MAP4K3: variants seen among roughly 807,000 people sequenced by gnomAD.
MAP4K3 encodes MAPK/ERK kinase kinase kinase 3.
Under a neutral mutation model 143.5 loss-of-function variants are expected in MAP4K3, and 94 were observed. That is an observed-to-expected ratio of 0.65 (90% CI 0.55 to 0.78). The LOEUF (loss-of-function observed/expected upper bound fraction) is 0.78, where lower values mean the gene tolerates loss of function less well. MAP4K3 is among the 30% of genes least tolerant of loss of function. The pLI is 0.00. For missense variants in MAP4K3, 1,077 were observed against 1,068.1 expected (o/e 1.01, Z -0.12); for synonymous variants, 416 against 347.2 (o/e 1.20, Z -2.20).
chr2:39,309,509 C>T lies in MAP4K3; in HGVS notation c.1008G>A (p.Val336=). The T allele has an allele frequency of 6.5e-7, 1 of 1,542,716 alleles. No homozygotes were observed. The highest frequency in any genetic ancestry group is 8.8e-7 in the Non-Finnish European group (1 of 1,133,464). The part of the protein sequence containing the change: ...KTRSEITFGQ[V]KFDPPLRKET... ...CCTTTCTTAAGGGTGGATCAAATTT[C>T]ACTTGGCCAACTAAAAAAGAAAAAA... Residue 336 remains valine (V), a synonymous_variant, in exon 14 of 34, where the codon GTG becomes GTA. Coordinates refer to ENST00000263881, the MANE Select transcript of MAP4K3 (RefSeq NM_003618.4).
intron 1 of MAP4K3, among the ~76,000 whole-genome samples, chr2:39,378,852 AATTAT>A (rs1195675406): frequency 2.0e-5 from 3 of 151,656 alleles, no homozygotes; most frequent in Non-Finnish European, 2.9e-5. Flanking sequence ...AAGTACACAT[AATTAT>A]ATTATGTGTA....
At chr2:39,436,869 C>G (rs113021812) in intron 1 of MAP4K3, 23 bp downstream of exon 1, 1 of 1,579,882 alleles carries the variant, frequency 6.3e-7, no homozygotes, top group African/African-American at 1.4e-5. Context: ...ACGGCCTCGG[C>G]GGCGCGCGGC....
chr2:39,422,779 C>T (rs1214015805), intron 1 of MAP4K3, among the ~76,000 whole-genome samples: 1 of 152,094 alleles, frequency 6.6e-6, no homozygotes, highest in Non-Finnish European at 1.5e-5. Flanking sequence ...AAAATTACCT[C>T]AAAATGGATC....
At chr2:39,370,751 A>C (rs1253882060) in intron 2 of MAP4K3, among the ~76,000 whole-genome samples, 1 of 152,160 alleles carries the variant, frequency 6.6e-6, no homozygotes, top group Non-Finnish European at 1.5e-5. Context: ...CATTTAGAAG[A>C]GTTTTTCCTA....
At chr2:39,412,017 T>C (rs976866174) in intron 1 of MAP4K3, among the ~76,000 whole-genome samples, 1 of 152,224 alleles carries the variant, frequency 6.6e-6, no homozygotes, top group Non-Finnish European at 1.5e-5. Context: ...AGGCTTTCAG[T>C]AGTACACTAA....
intron 12 of MAP4K3, among the ~76,000 whole-genome samples, chr2:39,324,426 C>CA (rs1274318802): frequency 2.6e-5 from 4 of 151,218 alleles, no homozygotes; most frequent in East Asian, 1.9e-4. Flanking sequence ...AAAAACAAAA[C>CA]AAAAAAAACT....
chr2:39,379,816 G>A (rs1666313582), intron 1 of MAP4K3: 1 of 168,686 alleles, frequency 5.9e-6, no homozygotes, highest in Admixed American at 6.5e-5. Context: ...AACTCAGAAA[G>A]CTAGGATGAT....
At chr2:39,343,867 T>C (rs1665210447) in intron 3 of MAP4K3, among the ~76,000 whole-genome samples, 1 of 152,170 alleles carries the variant, frequency 6.6e-6, no homozygotes. Context: ...CATATCTAGA[T>C]TCAACAGTGA....
intron 19 of MAP4K3, among the ~76,000 whole-genome samples, chr2:39,288,821 G>T (rs1681907620): frequency 1.3e-5 from 2 of 152,190 alleles, no homozygotes; most frequent in African/African-American, 4.8e-5. Context: ...GGGAGGCTGA[G>T]GCGAGCGGAT....
chr2:39,309,546 G>C (rs769243978), intron 13 of MAP4K3, 27 bp from the exon 14 acceptor site: 17 of 792,238 alleles, frequency 2.1e-5, no homozygotes, highest in Non-Finnish European at 3.9e-6. Context: ...AGTAAAACCA[G>C]GATTTTTTTT....
At chr2:39,257,997 T>C (rs1022601313) in intron 31 of MAP4K3, among the ~76,000 whole-genome samples, 1 of 152,056 alleles carries the variant, frequency 6.6e-6, no homozygotes, top group African/African-American at 2.4e-5. Context: ...AATGGTGCGA[T>C]CTCAACTCAT....
chr2:39,309,528 G>GA lies in MAP4K3; in HGVS notation c.998-10dup, dbSNP rs754215622. ...AAATTTCACTTGGCCAACTAAAAAA[G>GA]AAAAAAAAGTAAAACCAGGATTTTT... On this transcript the variant is annotated splice_polypyrimidine_tract_variant and intron_variant, in intron 13 of 33. Transcript: ENST00000263881. 4.0e-3 allele frequency: 1,941 copies of GA among 486,788 alleles called. 9 individuals carry two copies. The highest frequency in any genetic ancestry group is 5.6e-3 in the Non-Finnish European group (1,750 of 315,224). 30.2% of individuals were successfully genotyped at this position (486,788 alleles called of 1,614,324 possible). A position where few individuals can be genotyped will look rare whatever the true frequency, so the allele number is the denominator to read the frequency against.
intron 8 of MAP4K3, 48 bp downstream of exon 8, chr2:39,331,869 C>T: frequency 8.2e-7 from 1 of 1,214,820 alleles, no homozygotes; most frequent in Non-Finnish European, 1.2e-6. Flanking sequence ...AATGCTATAT[C>T]CAATAATGAT....
chr2:39,368,569 C>T (rs1665989170), intron 2 of MAP4K3, among the ~76,000 whole-genome samples: 1 of 151,774 alleles, frequency 6.6e-6, no homozygotes, highest in African/African-American at 2.4e-5. Flanking sequence ...AGTAGTGAGG[C>T]TGAGGCAGGA....
intron 1 of MAP4K3, among the ~76,000 whole-genome samples, chr2:39,378,920 C>G (rs1666291054): frequency 6.6e-6 from 1 of 151,344 alleles, no homozygotes; most frequent in Non-Finnish European, 1.5e-5. Context: ...TATAAATAAG[C>G]AGAAACTATA....
chr2:39,360,727 G>A (rs894847590), intron 2 of MAP4K3, among the ~76,000 whole-genome samples: 9 of 152,228 alleles, frequency 5.9e-5, no homozygotes, highest in South Asian at 4.1e-4. Flanking sequence ...TTCACATGGT[G>A]GCAGGTGGAA....
chr2:39,309,403 C>A, intron 14 of MAP4K3, 58 bp downstream of exon 14: 1 of 1,366,320 alleles, frequency 7.3e-7, no homozygotes, highest in Non-Finnish European at 1.0e-6. Flanking sequence ...ATACATCACA[C>A]AAAAACAAAT....
At chr2:39,351,230 T>C (rs1410681769) in intron 3 of MAP4K3, among the ~76,000 whole-genome samples, 1 of 152,218 alleles carries the variant, frequency 6.6e-6, no homozygotes, top group Non-Finnish European at 1.5e-5. Context: ...AGCTGTCTCC[T>C]GAATATGTCA....
intron 1 of MAP4K3, among the ~76,000 whole-genome samples, chr2:39,389,397 A>T (rs893451073): frequency 6.6e-6 from 1 of 152,162 alleles, no homozygotes; most frequent in African/African-American, 2.4e-5. Flanking sequence ...CCATGGCTGA[A>T]ATTTTTCCAG....
Sources: allele counts gnomAD v4.1 joint callset (sites outside exome capture counted in the v4.1 genomes callset), GRCh38; gene constraint gnomAD v4.1.1; transcripts MANE v1.5; gene names NCBI Gene and HGNC (gene_info 2026-07-23, HGNC 2026-07-21).